The following ANK2 variants were observed in gnomAD, a reference collection of about 807,000 sequenced individuals.
ANK2 encodes ankyrin-2.
Under a neutral mutation model 360.5 loss-of-function variants are expected in ANK2, and 83 were observed. The ratio of observed to expected loss-of-function variants is 0.23; its 90% CI spans 0.19 to 0.28. ANK2 has a LOEUF of 0.28. ANK2 is among the 10% of genes least tolerant of loss of function. ANK2 has a pLI of 1.00. For missense variants in ANK2, 4,201 were observed against 4,795.7 expected (o/e 0.88, Z 3.66); for synonymous variants, 1,740 against 1,759.5 (o/e 0.99, Z 0.28).
chr4:113,174,488 G>A lies in ANK2; in HGVS notation c.157G>A (p.Gly53Arg). Residue 53 changes from glycine (G) to arginine (R), a missense_variant, in exon 2 of 46, where the codon GGG becomes AGG. Physicochemically the swap from Gly to Arg is moderately radical, Grantham distance 125. Around this residue, in one of 4 missense-constraint regions of ANK2, gnomAD observed 169 missense variants for 191.1 expected, o/e 0.88. Transcript: ENST00000357077. ...NLDKVVEYLK[G>R]GIDINTCNQN... is the part of the protein sequence containing the mutation. The stretch of plus-strand genomic sequence containing the variant: ...GGACAAAGTTGTGGAATATCTGAAG[G>A]GGGGCATAGACATCAATACCTGCAA... The A allele has an allele frequency of 6.2e-7, 1 of 1,612,826 alleles. No individual in the cohort carries two copies. Among genetic ancestry groups the A allele is most frequent in the South Asian group, 1.1e-5 (1 of 90,800 alleles).
chr4:113,016,092 A>G (rs898551404), intron 2 of ANK2, among the ~76,000 whole-genome samples: 4 of 151,690 alleles, frequency 2.6e-5, no homozygotes, highest in Non-Finnish European at 5.9e-5. Flanking sequence ...TGGCTTGTTC[A>G]TAGCTTACTG....
chr4:113,008,743 A>G (rs1561517422), intron 2 of ANK2, among the ~76,000 whole-genome samples: 2 of 152,134 alleles, frequency 1.3e-5, no homozygotes, highest in African/African-American at 4.8e-5. Context: ...TTAATAGCCC[A>G]GACACTCCAT....
chr4:113,210,041 G>A (rs2099002922), intron 4 of ANK2, among the ~76,000 whole-genome samples: 1 of 152,202 alleles, frequency 6.6e-6, no homozygotes, highest in South Asian at 2.1e-4. Context: ...TAAGATGTTA[G>A]CTTTTGTGCC....
intron 2 of ANK2, among the ~76,000 whole-genome samples, chr4:112,957,239 G>A (rs2095384175): frequency 6.6e-6 from 1 of 151,588 alleles, no homozygotes; most frequent in Admixed American, 6.6e-5. Context: ...CTGCCTTCAA[G>A]CATCTGTTTA....
At chr4:113,088,726 A>T (rs573416180) in intron 1 of ANK2, among the ~76,000 whole-genome samples, 1 of 152,280 alleles carries the variant, frequency 6.6e-6, no homozygotes, top group East Asian at 1.9e-4. Flanking sequence ...TTTATATATG[A>T]ATCCACCGAA....
intron 1 of ANK2, among the ~76,000 whole-genome samples, chr4:113,081,124 T>G (rs1252762951): frequency 6.6e-6 from 1 of 152,230 alleles, no homozygotes; most frequent in Non-Finnish European, 1.5e-5. Flanking sequence ...AGAATTTGGT[T>G]TCTTGAAAAA....
intron 34 of ANK2, among the ~76,000 whole-genome samples, chr4:113,344,762 G>A (rs1003087556): frequency 6.6e-6 from 1 of 152,074 alleles, no homozygotes. Context: ...AGACACAAAA[G>A]GACAAATATT....
At chr4:112,785,367 A>G in the ANK2 span, among the ~76,000 whole-genome samples, 1 of 149,616 alleles carries the variant, frequency 6.7e-6, no homozygotes, top group Admixed American at 6.7e-5. Flanking sequence ...TTATTTATTT[A>G]TTTTCCTTTT....
chr4:112,739,160 CACAAAA>C, the ANK2 span: 1 of 369,932 alleles, frequency 2.7e-6, no homozygotes, highest in Non-Finnish European at 5.1e-6. Context: ...CTGCCAAGAA[CACAAAA>C]ACAAACAAAA....
the ANK2 span, among the ~76,000 whole-genome samples, chr4:112,725,485 C>T: frequency 6.0e-5 from 9 of 150,506 alleles, no homozygotes; most frequent in African/African-American, 9.8e-5. Flanking sequence ...CTCAGCCTCC[C>T]GAGTAGCTGG....
intron 1 of ANK2, among the ~76,000 whole-genome samples, chr4:113,121,861 T>TC (rs142804573): frequency 0.2 from 30,198 of 151,446 alleles, 3,726 homozygotes; most frequent in East Asian, 0.51. Context: ...TGGGGAAATC[T>TC]CCCCCCCCAC....
chr4:112,960,244 C>A (rs2034037588), intron 2 of ANK2, among the ~76,000 whole-genome samples: 1 of 152,002 alleles, frequency 6.6e-6, no homozygotes, highest in African/African-American at 2.4e-5. Flanking sequence ...CATATATTGT[C>A]CACAACCTTC....
chr4:113,294,287 CTGAA>C (rs2153749138), intron 22 of ANK2, among the ~76,000 whole-genome samples: 1 of 152,174 alleles, frequency 6.6e-6, no homozygotes, highest in South Asian at 2.1e-4. Flanking sequence ...GGGCTCCTAC[CTGAA>C]AGTGGAAGTG....
chr4:113,040,128 A>G (rs2062597850), intron 2 of ANK2, among the ~76,000 whole-genome samples: 1 of 152,036 alleles, frequency 6.6e-6, no homozygotes, highest in African/African-American at 2.4e-5. Flanking sequence ...AAGAACTAAT[A>G]TCACTAGAGA....
chr4:113,356,582 C>T lies in ANK2; in HGVS notation c.7964C>T (p.Ser2655Leu), dbSNP rs373153154. ...AGTGGTGTCCCTGTGTTAGTAACTT[C>T]GGAGAGCAGGAAGGTGTCTTCCTCC... ...DESGVPVLVT[S>L]ESRKVSSSSE... Residue 2655 changes from serine to leucine, a missense_variant, in exon 38 of 46, where the codon TCG becomes TTG. By Grantham distance (145) the Ser-to-Leu change is moderately radical. Transcript: ENST00000357077. The T allele has an allele frequency of 1.6e-4, 264 of 1,613,914 alleles. No individual in the cohort carries two copies. Among genetic ancestry groups the T allele is most frequent in the Middle Eastern group, 3.3e-4 (2 of 6,084 alleles).
At chr4:112,822,457 A>G (rs2057395635) in intron 1 of ANK2, among the ~76,000 whole-genome samples, 1 of 150,854 alleles carries the variant, frequency 6.6e-6, no homozygotes, top group Non-Finnish European at 1.5e-5. Context: ...ACAAAAAACC[A>G]TTTCAGGCTG....
At chr4:113,336,868 TGTCTGCAGG>T (rs1198548757) in intron 31 of ANK2, 87 bp downstream of exon 31, 2 of 1,288,094 alleles carry the variant, frequency 1.6e-6, no homozygotes, top group African/African-American at 1.5e-5. Context: ...TGTCATAAGA[TGTCTGCAGG>T]GTCATATGCA....
At chr4:112,947,394 G>C (rs1466819947) in intron 2 of ANK2, among the ~76,000 whole-genome samples, 1 of 152,138 alleles carries the variant, frequency 6.6e-6, no homozygotes, top group Non-Finnish European at 1.5e-5. Context: ...TTAAAGTTTG[G>C]AAAAGCGAAG....
At chr4:113,078,247 A>G (rs1471170591) in intron 1 of ANK2, among the ~76,000 whole-genome samples, 2 of 152,182 alleles carry the variant, frequency 1.3e-5, no homozygotes, top group African/African-American at 4.8e-5. Context: ...CTCAAAATGG[A>G]CTGTAAATGG....
Sources: allele counts gnomAD v4.1 joint callset (sites outside exome capture counted in the v4.1 genomes callset), GRCh38; gene constraint gnomAD v4.1.1; regional missense constraint gnomAD v4.1.1; transcripts MANE v1.5; gene names NCBI Gene and HGNC (gene_info 2026-07-23, HGNC 2026-07-21).